CEP83: variants seen among roughly 807,000 people sequenced by gnomAD.
The protein encoded by CEP83 is centrosomal protein of 83 kDa.
CEP83 carries 70 observed loss-of-function variants against 101.9 expected under a neutral mutation model. The ratio of observed to expected loss-of-function variants is 0.69; its 90% CI spans 0.57 to 0.84. CEP83 has a LOEUF of 0.84. Ranked by LOEUF, CEP83 falls within the 40% of genes least tolerant of loss-of-function variation. The pLI is 0.00. For missense variants in CEP83, 715 were observed against 787.2 expected (o/e 0.91, Z 1.10); for synonymous variants, 264 against 267.9 (o/e 0.99, Z 0.14).
At chr12:94,268,280 C>T in the CEP83 span, among the ~76,000 whole-genome samples, 2 of 152,182 alleles carry the variant, frequency 1.3e-5, no homozygotes, top group African/African-American at 4.8e-5. Flanking sequence ...TACATGAAAT[C>T]ATGACACTAA....
At chr12:94,368,456 T>C (rs1255042979) in intron 9 of CEP83, 3 of 356,088 alleles carry the variant, frequency 8.4e-6, no homozygotes, top group Non-Finnish European at 1.5e-5. Context: ...AAAAGCTGTA[T>C]ACATTTACTC....
At chr12:94,364,478 A>G (rs1226403402) in intron 11 of CEP83, among the ~76,000 whole-genome samples, 1 of 152,182 alleles carries the variant, frequency 6.6e-6, no homozygotes, top group Non-Finnish European at 1.5e-5. Flanking sequence ...CTCTATAATT[A>G]AAGTATCATA....
chr12:94,309,787 G>C (rs1969559168), intron 16 of CEP83, 131 bp downstream of exon 16: 6 of 518,388 alleles, frequency 1.2e-5, no homozygotes, highest in Non-Finnish European at 2.0e-5. Context: ...AGTTTTAAAT[G>C]TTTATGCCAT....
chr12:94,447,959 CAAT>C (rs1424319957), intron 1 of CEP83, among the ~76,000 whole-genome samples: 9 of 151,742 alleles, frequency 5.9e-5, no homozygotes, highest in South Asian at 2.1e-4. Flanking sequence ...GATGTAAATC[CAAT>C]AATATCAACA....
rs1378346242 is a variant in CEP83 at position 94,370,150 on chromosome 12, T to C, written c.934-114A>G. ...CTCTGGTAGTAAAGTAGAGTCTAAG[T>C]ATCTTCCAAGAAGAAAGAAGTGTCA... On this transcript the variant is annotated intron_variant, in intron 8 of 16. Transcript: ENST00000397809. 1.3e-5 allele frequency: 8 copies of C among 638,854 alleles called. No homozygotes were observed. The Admixed American group carries it at 1.6e-4, about 13-fold the overall frequency. 39.6% of individuals were successfully genotyped at this position (638,854 alleles called of 1,614,324 possible).
chr12:94,439,347 A>AAT lies in CEP83; in HGVS notation c.-154-4021_-154-4020insAT, dbSNP rs1180424158. On this transcript the variant is annotated intron_variant, in intron 1 of 16. Coordinates refer to ENST00000397809, the MANE Select transcript of CEP83 (RefSeq NM_016122.3). ...TTAGAAACAAAATAGGAGATATCAA[A>AAT]AGTGATACCACAGAAATACAAAAGA... Among the ~76,000 whole-genome samples, 115 of 152,282 alleles carry AAT rather than the reference A, an allele frequency of 7.6e-4. 1 individual carries two copies. The East Asian group carries it at 0.021, about 28-fold the overall frequency.
Position 94,368,212 on chromosome 12 carries a change from T to A in CEP83, c.1049-11A>T, listed in dbSNP as rs1025973539. 6.2e-7 allele frequency: 1 copy of A among 1,603,866 alleles called. No individual in the cohort carries two copies. The highest frequency in any genetic ancestry group is 1.7e-5 in the Admixed American group (1 of 58,614). ...TGTCTGACTGTAATCCTAGTGTTTTTCAAGGAGAAAAGTGTACTATATTCA... is the reference window on the plus strand; with the variant it reads ...TGTCTGACTGTAATCCTAGTGTTTTACAAGGAGAAAAGTGTACTATATTCA... On this transcript the variant is annotated splice_polypyrimidine_tract_variant and intron_variant, in intron 9 of 16. Coordinates refer to ENST00000397809, the MANE Select transcript of CEP83 (RefSeq NM_016122.3).
chr12:94,370,164 A>G lies in CEP83; in HGVS notation c.934-128T>C, dbSNP rs143723276. The G allele has an allele frequency of 1.2e-3, 761 of 608,816 alleles. 10 individuals are homozygous for G. In the East Asian group the frequency reaches 0.019, roughly 16 times the overall value. 37.7% of individuals were successfully genotyped at this position (608,816 alleles called of 1,614,324 possible). On this transcript the variant is annotated intron_variant, in intron 8 of 16. Coordinates refer to ENST00000397809, the MANE Select transcript of CEP83 (RefSeq NM_016122.3). Reference sequence around the variant, plus strand: ...TAGAGTCTAAGTATCTTCCAAGAAGAAAGAAGTGTCAGTGCCTGCAACAGT... The same window carrying G: ...TAGAGTCTAAGTATCTTCCAAGAAGGAAGAAGTGTCAGTGCCTGCAACAGT...
At chr12:94,369,752 C>T in intron 9 of CEP83, 170 bp downstream of exon 9, 1 of 458,448 alleles carries the variant, frequency 2.2e-6, no homozygotes, top group Non-Finnish European at 3.8e-6. Context: ...TTAAATCTTA[C>T]AATGAACAAA....
chr12:94,325,259 C>T (rs2058925749), intron 14 of CEP83, among the ~76,000 whole-genome samples: 1 of 151,936 alleles, frequency 6.6e-6, no homozygotes, highest in Admixed American at 6.6e-5. Flanking sequence ...GCAACCTCTG[C>T]CTCCAGGGTT....
the CEP83 span, among the ~76,000 whole-genome samples, chr12:94,290,099 C>T: frequency 6.6e-6 from 1 of 152,208 alleles, no homozygotes; most frequent in Admixed American, 6.5e-5. Context: ...CAAAACAAAG[C>T]GTCTGACAGT....
chr12:94,352,599 G>T (rs1057328467), intron 11 of CEP83, among the ~76,000 whole-genome samples: 1 of 151,836 alleles, frequency 6.6e-6, no homozygotes, highest in African/African-American at 2.4e-5. Flanking sequence ...AAAATTCAAC[G>T]AAATCAGGAA....
At chr12:94,282,486 C>A in the CEP83 span, 2 of 873,112 alleles carry the variant, frequency 2.3e-6, no homozygotes, top group Admixed American at 2.2e-5. Context: ...CCAGGACTCC[C>A]ACCCATTTCC....
chr12:94,411,894 C>T, intron 3 of CEP83, 47 bp from the exon 4 acceptor site: 1 of 1,457,572 alleles, frequency 6.9e-7, no homozygotes, highest in Non-Finnish European at 9.5e-7. Flanking sequence ...TCCTTTCTTT[C>T]TAATTGCATT....
At chr12:94,325,506 C>T (rs1039902561) in intron 14 of CEP83, among the ~76,000 whole-genome samples, 1 of 152,196 alleles carries the variant, frequency 6.6e-6, no homozygotes, top group Non-Finnish European at 1.5e-5. Flanking sequence ...GTACTCACCT[C>T]CACCTGATAG....
At chr12:94,377,096 T>C (rs894216586) in intron 7 of CEP83, among the ~76,000 whole-genome samples, 8 of 152,288 alleles carry the variant, frequency 5.3e-5, no homozygotes, top group South Asian at 2.1e-4. Context: ...TTCAGTTTTA[T>C]AACATCTCAT....
intron 16 of CEP83, 29 bp from the exon 17 acceptor site, chr12:94,308,946 A>ACC (rs1969391615): frequency 1.3e-6 from 2 of 1,506,040 alleles, no homozygotes; most frequent in African/African-American, 2.8e-5. Context: ...AAGCATAGCA[A>ACC]AAGAAACTAT....
In CEP83 at chr12:94,440,570, C is replaced by A. The variant is rs1378246620; in HGVS notation, c.-154-5243G>T. ...GACACAAATGGAAATATATCCCATG[C>A]GCATGGATGGGTAGAATCAATATTG... On this transcript the variant is annotated intron_variant, in intron 1 of 16. Transcript: ENST00000397809. Among the ~76,000 whole-genome samples, 4 of 151,552 alleles carry A rather than the reference C, an allele frequency of 2.6e-5. No homozygotes were observed. The South Asian group carries it at 6.2e-4, about 24-fold the overall frequency.
the CEP83 span, among the ~76,000 whole-genome samples, chr12:94,278,404 G>A: frequency 0.026 from 3,954 of 152,308 alleles, 168 homozygotes; most frequent in African/African-American, 0.091. Context: ...CTTAGACAAA[G>A]TAAACTTGGA....
Sources: allele counts gnomAD v4.1 joint callset (sites outside exome capture counted in the v4.1 genomes callset), GRCh38; gene constraint gnomAD v4.1.1; transcripts MANE v1.5; gene names NCBI Gene and HGNC (gene_info 2026-07-23, HGNC 2026-07-21).